EVA1A: variants seen among roughly 807,000 people sequenced by gnomAD.
The protein encoded by EVA1A is eva-1 homolog A, regulator of programmed cell death, also known as protein eva-1 homolog A.
Under a neutral mutation model 9.8 loss-of-function variants are expected in EVA1A, and 7 were observed. The ratio of observed to expected loss-of-function variants is 0.71; its 90% confidence interval spans 0.41 to 1.34. EVA1A has a LOEUF of 1.34. EVA1A is among the 40% of genes most tolerant of loss of function. EVA1A has a pLI of 0.01. For missense variants in EVA1A, 206 were observed against 205.9 expected, an observed-to-expected ratio of 1.00 and a Z score of 0.00; for synonymous variants, 90 against 85.6, an observed-to-expected ratio of 1.05 and a Z score of -0.28.
intron 3 of EVA1A, among the ~76,000 whole-genome samples, chr2:75,509,431 G>T (rs1674734320): frequency 6.6e-6 from 1 of 152,018 alleles, no homozygotes. Flanking sequence ...ACCCTCTCAT[G>T]TTATTAAAAT....
At chr2:75,554,118 G>A (rs1438233957) in intron 1 of EVA1A, among the ~76,000 whole-genome samples, 2 of 152,166 alleles carry the variant, frequency 1.3e-5, no homozygotes, top group Non-Finnish European at 2.9e-5. Flanking sequence ...TTTGATCAAA[G>A]TCCCCTTGCA....
At chr2:75,505,602 G>A (rs1157786855) in intron 3 of EVA1A, among the ~76,000 whole-genome samples, 1 of 152,060 alleles carries the variant, frequency 6.6e-6, no homozygotes, top group Non-Finnish European at 1.5e-5. Flanking sequence ...CACAAGGTCA[G>A]GAGTTCAATA....
At chr2:75,511,704 T>C (rs928934852) in intron 3 of EVA1A, among the ~76,000 whole-genome samples, 4 of 152,152 alleles carry the variant, frequency 2.6e-5, no homozygotes, top group African/African-American at 9.7e-5. Context: ...CCTTGCTACA[T>C]GTCTTTTTAT....
At chr2:75,509,904 A>T (rs1483639612) in intron 3 of EVA1A, among the ~76,000 whole-genome samples, 1 of 152,184 alleles carries the variant, frequency 6.6e-6, no homozygotes, top group Non-Finnish European at 1.5e-5. Context: ...TATCTAAAAA[A>T]TAATCAAAAA....
At chr2:75,527,280 T>C (rs865957766) in intron 1 of EVA1A, among the ~76,000 whole-genome samples, 6 of 152,232 alleles carry the variant, frequency 3.9e-5, no homozygotes, top group Admixed American at 6.5e-5. Context: ...GCCAGAGTGA[T>C]GTCAGAGAAG....
chr2:75,549,557 C>T (rs879832323), intron 1 of EVA1A, among the ~76,000 whole-genome samples: 2 of 152,144 alleles, frequency 1.3e-5, no homozygotes, highest in Non-Finnish European at 2.9e-5. Context: ...GGGGAGGGGT[C>T]CGGCAGGGAT....
chr2:75,508,579 T>G (rs990889467), intron 3 of EVA1A, among the ~76,000 whole-genome samples: 1 of 152,172 alleles, frequency 6.6e-6, no homozygotes, highest in Non-Finnish European at 1.5e-5. Flanking sequence ...TTAGCAATTT[T>G]AATTTCGCCC....
At chr2:75,537,207 A>C (rs1020626737) in intron 1 of EVA1A, among the ~76,000 whole-genome samples, 6 of 152,252 alleles carry the variant, frequency 3.9e-5, no homozygotes, top group Admixed American at 1.3e-4. Flanking sequence ...TAATAGGCTA[A>C]AGAAAAAAAG....
Position 75,498,839 on chromosome 2 carries a change from C to T in EVA1A, c.86-5230G>A, listed in dbSNP as rs114227283. On this transcript the variant is annotated intron_variant, in intron 3 of 3. Coordinates refer to ENST00000393913, the MANE Select transcript of EVA1A (RefSeq NM_001135032.2). Reference sequence around the variant, plus strand: ...TTTAAAAAGATGGTCTTCTCAGACTCATTTGCTTACAAATAGCATATTCCT... The same window carrying T: ...TTTAAAAAGATGGTCTTCTCAGACTTATTTGCTTACAAATAGCATATTCCT... Among the ~76,000 whole-genome samples the T allele has an allele frequency of 1.8e-3, 274 of 150,866 alleles. 5 individuals are homozygous for T. The highest frequency in any genetic ancestry group is 6.5e-3 in the African/African-American group (266 of 41,006).
At chr2:75,521,178 G>C (rs1360434052) in intron 2 of EVA1A, among the ~76,000 whole-genome samples, 7 of 152,178 alleles carry the variant, frequency 4.6e-5, no homozygotes, top group Non-Finnish European at 1.0e-4. Flanking sequence ...TACCCGTTAG[G>C]ATGACTACTA....
At chr2:75,527,302 G>A (rs1042923473) in intron 1 of EVA1A, among the ~76,000 whole-genome samples, 22 of 152,200 alleles carry the variant, frequency 1.4e-4, no homozygotes, top group Non-Finnish European at 2.4e-4. Flanking sequence ...CACAAGGGGA[G>A]AGATGAGACT....
At chr2:75,527,508 C>T (rs1291300611) in intron 1 of EVA1A, among the ~76,000 whole-genome samples, 1 of 152,162 alleles carries the variant, frequency 6.6e-6, no homozygotes, top group East Asian at 1.9e-4. Context: ...TCTGTGGAGA[C>T]CACATGGGAT....
At chr2:75,534,117 T>C (rs984103299) in intron 1 of EVA1A, among the ~76,000 whole-genome samples, 3 of 152,120 alleles carry the variant, frequency 2.0e-5, no homozygotes, top group Non-Finnish European at 4.4e-5. Flanking sequence ...CAAATGCCTA[T>C]AGTTTCAGCT....
upstream of EVA1A, chr2:75,561,136 C>T (rs1187809373): frequency 6.6e-6 from 1 of 152,190 alleles, no homozygotes; most frequent in Non-Finnish European, 1.5e-5. Context: ...CAACTCCTGC[C>T]TGCCTCCCCG....
intron 3 of EVA1A, among the ~76,000 whole-genome samples, chr2:75,512,510 A>G (rs1674852437): frequency 6.6e-6 from 1 of 152,064 alleles, no homozygotes; most frequent in South Asian, 2.1e-4. Flanking sequence ...TGCAAAAGCA[A>G]TGAGGTAAGA....
chr2:75,494,416 T>A (rs577615671), intron 3 of EVA1A, among the ~76,000 whole-genome samples: 1 of 152,328 alleles, frequency 6.6e-6, no homozygotes, highest in South Asian at 2.1e-4. Flanking sequence ...AAGATTAGGT[T>A]ACATAAGACT....
chr2:75,500,681 TTC>T (rs1420463017), intron 3 of EVA1A, among the ~76,000 whole-genome samples: 1 of 151,740 alleles, frequency 6.6e-6, no homozygotes, highest in Non-Finnish European at 1.5e-5. Flanking sequence ...AAACAGCAAG[TTC>T]TCTCTCTTAC....
chr2:75,514,739 T>C (rs1674943700), intron 3 of EVA1A, among the ~76,000 whole-genome samples: 2 of 152,316 alleles, frequency 1.3e-5, no homozygotes, highest in African/African-American at 4.8e-5. Flanking sequence ...TTTTACTACA[T>C]GTATTATAAA....
At chr2:75,559,177 G>A (rs1676826761) in intron 1 of EVA1A, among the ~76,000 whole-genome samples, 1 of 152,178 alleles carries the variant, frequency 6.6e-6, no homozygotes, top group Non-Finnish European at 1.5e-5. Flanking sequence ...GTGGGGGAGG[G>A]GGGAGATGTC....
Sources: allele counts gnomAD v4.1 joint callset (sites outside exome capture counted in the v4.1 genomes callset), GRCh38; gene constraint gnomAD v4.1.1; transcripts MANE v1.5; gene names NCBI Gene and HGNC (gene_info 2026-07-23, HGNC 2026-07-21).